The following SNX14 variants were observed in gnomAD, a reference collection of about 807,000 sequenced individuals.
SNX14 encodes sorting nexin-14.
SNX14 carries 93 observed loss-of-function variants against 133.8 expected under a neutral mutation model. The ratio of observed to expected loss-of-function variants is 0.70; its 90% confidence interval spans 0.59 to 0.83. The LOEUF (loss-of-function observed/expected upper bound fraction) is 0.83, where lower values mean the gene tolerates loss of function less well. Among genes scored for constraint, SNX14 ranks in the 40% least tolerant of loss-of-function variants. SNX14 has a pLI of 0.00. For synonymous variants in SNX14, 368 were observed against 365.6 expected (o/e 1.01, Z -0.07); for missense variants, 945 against 1,094.9 (o/e 0.86, Z 1.93).
intron 17 of SNX14, among the ~76,000 whole-genome samples, chr6:85,534,138 C>T (rs115371041): frequency 6.6e-6 from 1 of 152,110 alleles, no homozygotes; most frequent in Non-Finnish European, 1.5e-5. Context: ...AGCAAGTAGG[C>T]ACTGCTGCCA....
chr6:85,563,674 T>C (rs1451751364), intron 6 of SNX14, among the ~76,000 whole-genome samples: 1 of 152,206 alleles, frequency 6.6e-6, no homozygotes. Context: ...ATTACAGGCG[T>C]GAGCCACCGC....
chr6:85,552,909 A>G (rs1430497730), intron 7 of SNX14, among the ~76,000 whole-genome samples: 1 of 152,084 alleles, frequency 6.6e-6, no homozygotes, highest in African/African-American at 2.4e-5. Context: ...CAAACCAAAG[A>G]CTCTTTGAAT....
chr6:85,569,532 G>A (rs1443888161), intron 4 of SNX14, among the ~76,000 whole-genome samples: 1 of 152,284 alleles, frequency 6.6e-6, no homozygotes, highest in African/African-American at 2.4e-5. Flanking sequence ...TGAGTCACAT[G>A]TGAAAATTCA....
At chr6:85,515,157 C>G (rs1414432663) in intron 23 of SNX14, among the ~76,000 whole-genome samples, 3 of 147,540 alleles carry the variant, frequency 2.0e-5, no homozygotes, top group Non-Finnish European at 3.0e-5. Context: ...GTCCCAGCTA[C>G]TTGGGAGACT....
intron 28 of SNX14, 45 bp from the exon 29 acceptor site, chr6:85,506,050 T>A (rs1367057330): frequency 7.7e-7 from 1 of 1,304,562 alleles, no homozygotes; most frequent in Non-Finnish European, 1.1e-6. Flanking sequence ...AGACACAGGT[T>A]CATTTGTAAA....
intron 17 of SNX14, among the ~76,000 whole-genome samples, chr6:85,534,831 GT>G (rs371318721): frequency 2.8e-5 from 4 of 141,026 alleles, no homozygotes; most frequent in East Asian, 4.1e-4. Context: ...AAAAGGGAAA[GT>G]TTTTTTTTTT....
At position 85,593,772 on chromosome 6, in the gene SNX14, GA is replaced by G; in HGVS notation, c.-55del. ...TACTGGCTGAGGCAGAGGTCAAGGC[GA>G]CCCCCCATCCACACCTCGCGTCCCC... On this transcript the variant is annotated 5_prime_UTR_variant, in exon 1 of 29. It removes the in-frame stop codon of an upstream open reading frame in the 5' UTR. Coordinates refer to ENST00000314673, the MANE Select transcript of SNX14 (RefSeq NM_153816.6). 6.3e-7 allele frequency: 1 copy of G among 1,586,192 alleles called. No individual in the cohort carries two copies. The highest frequency in any genetic ancestry group is 8.6e-7 in the Non-Finnish European group (1 of 1,169,336).
At chr6:85,576,300 A>G (rs762495325) in intron 1 of SNX14, among the ~76,000 whole-genome samples, 6 of 152,170 alleles carry the variant, frequency 3.9e-5, no homozygotes, top group Non-Finnish European at 7.4e-5. Flanking sequence ...CACTCTATTC[A>G]TGAAGTTCAA....
At chr6:85,527,531 C>T (rs1194738154) in intron 20 of SNX14, among the ~76,000 whole-genome samples, 1 of 151,820 alleles carries the variant, frequency 6.6e-6, no homozygotes, top group African/African-American at 2.4e-5. Context: ...CCAAATTTAA[C>T]TGAATGAAAA....
chr6:85,547,088 G>C, intron 12 of SNX14, 24 bp downstream of exon 12: 1 of 1,556,836 alleles, frequency 6.4e-7, no homozygotes, highest in Non-Finnish European at 8.8e-7. Context: ...AATTACTTTC[G>C]TAAAATACAC....
chr6:85,585,852 G>A (rs1311243841), intron 1 of SNX14, among the ~76,000 whole-genome samples: 1 of 152,070 alleles, frequency 6.6e-6, no homozygotes, highest in Non-Finnish European at 1.5e-5. Context: ...CAAAGAGTAA[G>A]TTTGTTGGAC....
intron 4 of SNX14, among the ~76,000 whole-genome samples, chr6:85,571,821 GTCCAGGGT>G (rs2128192277): frequency 6.6e-6 from 1 of 152,278 alleles, no homozygotes; most frequent in South Asian, 2.1e-4. Context: ...GCTCCTTGCA[GTCCAGGGT>G]TCCTTTTGGA....
chr6:85,549,864 A>G lies in SNX14; in HGVS notation c.650T>C (p.Phe217Ser). ...KARQKVKNTE[F>S]LQQAALEEYG... is the part of the protein sequence containing the mutation. ...TTCTTCTAAAGCAGCTTGCTGTAAA[A>G]ACTCTGTATTTTTTACTATAGAGAT... The change falls in exon 8 of 29, where the codon TTT (phenylalanine) becomes TCT (serine). Residue 217 changes from phenylalanine to serine, a missense_variant. Phe to Ser is a radical substitution (Grantham distance 155). Coordinates refer to ENST00000314673, the MANE Select transcript of SNX14 (RefSeq NM_153816.6). 6.2e-7 allele frequency: 1 copy of G among 1,605,920 alleles called. No individual in the cohort carries two copies. Among genetic ancestry groups the G allele is most frequent in the Non-Finnish European group, 8.5e-7 (1 of 1,177,400 alleles).
intron 1 of SNX14, among the ~76,000 whole-genome samples, chr6:85,578,621 G>A (rs1798054442): frequency 6.6e-6 from 1 of 152,178 alleles, no homozygotes; most frequent in African/African-American, 2.4e-5. Flanking sequence ...TGGAGTTAAA[G>A]ATACTAGAAA....
At chr6:85,543,411 T>C (rs568933604) in intron 13 of SNX14, 105 bp from the exon 14 acceptor site, 1 of 1,170,016 alleles carries the variant, frequency 8.5e-7, no homozygotes, top group East Asian at 2.8e-5. Flanking sequence ...GATTGAGAAA[T>C]TAGACCAACC....
chr6:85,534,119 G>GA (rs1249183444), intron 17 of SNX14, among the ~76,000 whole-genome samples: 1 of 152,122 alleles, frequency 6.6e-6, no homozygotes, highest in East Asian at 1.9e-4. Flanking sequence ...ACTAGCCTGG[G>GA]AAACACAGAG....
At chr6:85,580,421 G>T (rs1798676420) in intron 1 of SNX14, among the ~76,000 whole-genome samples, 1 of 152,126 alleles carries the variant, frequency 6.6e-6, no homozygotes, top group Non-Finnish European at 1.5e-5. Flanking sequence ...CTGCTCTGAT[G>T]GCTACAAAGA....
At chr6:85,559,387 A>G (rs1004419455) in intron 6 of SNX14, among the ~76,000 whole-genome samples, 3 of 152,222 alleles carry the variant, frequency 2.0e-5, no homozygotes, top group Non-Finnish European at 4.4e-5. Context: ...ATACTCAGTA[A>G]GATTTTTATT....
At chr6:85,531,530 G>A (rs994461093) in intron 18 of SNX14, among the ~76,000 whole-genome samples, 4 of 152,072 alleles carry the variant, frequency 2.6e-5, no homozygotes, top group Non-Finnish European at 4.4e-5. Flanking sequence ...AAAGCAAATC[G>A]TAGTTTTCTT....
Sources: gnomAD v4.1 joint callset for allele counts (sites outside exome capture counted in the v4.1 genomes callset) on GRCh38, gnomAD v4.1.1 for gene constraint, MANE v1.5 for transcripts, NCBI Gene and HGNC (gene_info 2026-07-23, HGNC 2026-07-21) for gene names.